Variants in UBR4 observed in about 807,000 individuals in gnomAD.
UBR4 encodes ubiquitin protein ligase E3 component n-recognin 4.
In UBR4, 124 loss-of-function variants were observed where a neutral mutation model predicts 575.6. That is an observed-to-expected ratio of 0.22 (90% confidence interval 0.19 to 0.25). The LOEUF (loss-of-function observed/expected upper bound fraction) is 0.25. Among genes scored for constraint, UBR4 ranks in the 10% least tolerant of loss-of-function variants. The pLI is 1.00. For synonymous variants in UBR4, 2,455 were observed against 2,473.7 expected, an observed-to-expected ratio of 0.99 and a Z score of 0.22; for missense variants, 4,818 against 6,478.8, an observed-to-expected ratio of 0.74 and a Z score of 8.80.
intron 8 of UBR4, among the ~76,000 whole-genome samples, chr1:19,195,523 C>A (rs1403058678): frequency 6.6e-6 from 1 of 151,990 alleles, no homozygotes; most frequent in African/African-American, 2.4e-5. Context: ...ACATTGAGAT[C>A]CATGTGAGGG....
intron 11 of UBR4, 132 bp from the exon 12 acceptor site, chr1:19,187,672 T>C (rs953903075): frequency 1.3e-5 from 9 of 697,486 alleles, no homozygotes; most frequent in African/African-American, 1.1e-4. Flanking sequence ...AAAAAAAAAA[T>C]TGTACATACA....
chr1:19,134,090 A>T (rs1040265158), intron 60 of UBR4, among the ~76,000 whole-genome samples: 1 of 148,684 alleles, frequency 6.7e-6, no homozygotes, highest in Non-Finnish European at 1.5e-5. Flanking sequence ...TGTCTCTAAA[A>T]AAAAAAAAAA....
Position 19,160,194 on chromosome 1 carries a change from C to A in UBR4, c.5494G>T (p.Val1832Phe). ...IQTNFQQASA[V>F]GSSSRAQQAL... Reference sequence around the variant, plus strand: ...TGCTGAGCACGGCTGCTGCTCCCGACGGCTGAAGCTTGCTGGAAGTTGGTC... The same window carrying A: ...TGCTGAGCACGGCTGCTGCTCCCGAAGGCTGAAGCTTGCTGGAAGTTGGTC... Residue 1832 changes from valine (V) to phenylalanine (F), a missense_variant, in exon 39 of 106, where the codon GTC (valine) becomes TTC (phenylalanine). Transcript: ENST00000375254. 1 of 1,613,794 alleles carries A rather than the reference C, an allele frequency of 6.2e-7. No homozygotes were observed. Among genetic ancestry groups the A allele is most frequent in the Middle Eastern group, 1.6e-4 (1 of 6,062 alleles).
intron 83 of UBR4, among the ~76,000 whole-genome samples, 176 bp downstream of exon 83, chr1:19,106,393 G>A (rs1303227498): frequency 1.3e-5 from 2 of 152,196 alleles, no homozygotes; most frequent in Non-Finnish European, 2.9e-5. Flanking sequence ...AGTCCACCAT[G>A]CTAGCCCAAC....
intron 83 of UBR4, 131 bp downstream of exon 83, chr1:19,106,438 T>C: frequency 8.0e-7 from 1 of 1,251,394 alleles, no homozygotes; most frequent in Non-Finnish European, 1.1e-6. Context: ...ACTCCCTATT[T>C]GAAAGGAAGC....
chr1:19,086,406 G>T, intron 100 of UBR4, 136 bp from the exon 101 acceptor site: 1 of 1,283,990 alleles, frequency 7.8e-7, no homozygotes, highest in Non-Finnish European at 1.0e-6. Flanking sequence ...CTGACCCTGC[G>T]AAGAGAATTT....
At chr1:19,164,063 A>C (rs573946979) in intron 33 of UBR4, among the ~76,000 whole-genome samples, 190 bp downstream of exon 33, 6 of 152,316 alleles carry the variant, frequency 3.9e-5, no homozygotes, top group African/African-American at 1.4e-4. Context: ...AATGAACAGG[A>C]AACTCTACTA....
chr1:19,158,647 G>GT (rs1247997616), intron 39 of UBR4, among the ~76,000 whole-genome samples: 1 of 151,826 alleles, frequency 6.6e-6, no homozygotes, highest in Non-Finnish European at 1.5e-5. Flanking sequence ...ATTTTTTATA[G>GT]AGACAGGGTT....
At position 19,087,454 on chromosome 1, in the gene UBR4, C is replaced by G. The variant is rs533938290; in HGVS notation, c.14544+362G>C. The stretch of plus-strand genomic sequence containing the variant: ...AAGCCCAGGTCTGGAGTCTGAGAAG[C>G]CTAGGCTGGAATTCTGGCTCTGCCA... On this transcript the variant is annotated intron_variant, in intron 99 of 105. Transcript: ENST00000375254. Among the ~76,000 whole-genome samples the G allele has an allele frequency of 3.3e-5, 5 of 152,378 alleles. No homozygotes were observed. In the South Asian group the frequency reaches 1.0e-3, roughly 32 times the overall value.
chr1:19,095,451 G>GT (rs2077940349), intron 93 of UBR4, 94 bp downstream of exon 93: 1 of 1,195,018 alleles, frequency 8.4e-7, no homozygotes, highest in African/African-American at 1.5e-5. Flanking sequence ...TGAAGAAGCC[G>GT]TGAGTCCATT....
chr1:19,139,141 A>G lies in UBR4; in HGVS notation c.8673T>C (p.Gly2891=). 1 of 1,613,864 alleles carries G rather than the reference A, an allele frequency of 6.2e-7. No individual in the cohort carries two copies. The highest frequency in any genetic ancestry group is 2.2e-5 in the East Asian group (1 of 44,860). ...TGCCCCCGCTCTCCGAGCCCACACT[A>G]CCACCGTGGTCAGCAGGAGAGGTCC... ...TLRTSPADHG[G]SVGSESGGSA... Residue 2891 remains glycine, a synonymous_variant, in exon 59 of 106, where the codon GGT becomes GGC. Transcript: ENST00000375254. This position sits in a 1 kb window ranked among gnomAD's most constrained non-coding sequence, Gnocchi z 4.2.
intron 8 of UBR4, among the ~76,000 whole-genome samples, chr1:19,195,797 A>G (rs1050997829): frequency 5.3e-5 from 8 of 152,144 alleles, no homozygotes; most frequent in African/African-American, 1.9e-4. Context: ...GTACAGCCTG[A>G]ATGTTCTTCC....
intron 11 of UBR4, among the ~76,000 whole-genome samples, chr1:19,189,773 T>C (rs1043636587): frequency 6.6e-6 from 1 of 152,216 alleles, no homozygotes; most frequent in Non-Finnish European, 1.5e-5. Context: ...TTGGCATTCT[T>C]TCATTTCCCT....
intron 17 of UBR4, among the ~76,000 whole-genome samples, chr1:19,181,985 G>A (rs961421992): frequency 6.6e-5 from 10 of 151,936 alleles, no homozygotes; most frequent in African/African-American, 1.7e-4. Context: ...TGCCCCACGC[G>A]ACCACCATTC....
At chr1:19,091,009 T>A (rs751832864) in intron 97 of UBR4, among the ~76,000 whole-genome samples, 2 of 151,082 alleles carry the variant, frequency 1.3e-5, no homozygotes, top group Non-Finnish European at 2.9e-5. Context: ...GACAGGAGAA[T>A]CGCTTGAACC....
In UBR4 at chr1:19,169,912, C is replaced by T. The variant is rs188454515; in HGVS notation, c.3644-380G>A. Reference sequence around the variant, plus strand: ...CTCTTGATCTCTTTTCTCTTTAAGACGAATCTTAAGGGCAGGGATCATAAC... The same window carrying T: ...CTCTTGATCTCTTTTCTCTTTAAGATGAATCTTAAGGGCAGGGATCATAAC... On this transcript the variant is annotated intron_variant, in intron 26 of 105. Transcript: ENST00000375254. 1.4e-3 allele frequency among the ~76,000 whole-genome samples: 215 copies of T among 152,238 alleles called. 2 individuals are homozygous for T. Among genetic ancestry groups the T allele is most frequent in the Middle Eastern group, 3.4e-3 (1 of 294 alleles).
chr1:19,132,245 G>A (rs2082563927), intron 60 of UBR4, among the ~76,000 whole-genome samples: 1 of 152,034 alleles, frequency 6.6e-6, no homozygotes, highest in African/African-American at 2.4e-5. Flanking sequence ...GCAGTGGCGT[G>A]ATCTCGGCTC....
intron 60 of UBR4, among the ~76,000 whole-genome samples, chr1:19,133,593 T>C (rs1363984692): frequency 6.6e-6 from 1 of 152,162 alleles, no homozygotes; most frequent in Non-Finnish European, 1.5e-5. Flanking sequence ...CGAAAAAAGT[T>C]ACACTGTTAT....
At position 19,139,120 on chromosome 1, in the gene UBR4, C is replaced by T. The variant is rs1268341351; in HGVS notation, c.8694G>A (p.Gly2898=). The part of the protein sequence containing the change: ...DHGGSVGSES[G]GSAVDSVAGE... The stretch of plus-strand genomic sequence containing the variant: ...CAGCCACTGAGTCCACTGCACTGCC[C>T]CCGCTCTCCGAGCCCACACTACCAC... The change falls in exon 59 of 106, where the codon GGG becomes GGA. Residue 2898 remains glycine, a synonymous_variant. Coordinates refer to ENST00000375254, the MANE Select transcript of UBR4 (RefSeq NM_020765.3). This position sits in a 1 kb window ranked among gnomAD's most constrained non-coding sequence, Gnocchi z 4.2. The T allele has an allele frequency of 6.2e-7, 1 of 1,613,798 alleles. No individual in the cohort carries two copies. Among genetic ancestry groups the T allele is most frequent in the Non-Finnish European group, 8.5e-7 (1 of 1,179,926 alleles).
Sources: allele counts gnomAD v4.1 joint callset (sites outside exome capture counted in the v4.1 genomes callset), GRCh38; gene constraint gnomAD v4.1.1; non-coding constraint Gnocchi (gnomAD v3.1); transcripts MANE v1.5; gene names NCBI Gene and HGNC (gene_info 2026-07-23, HGNC 2026-07-21).